Variants in PES1 observed in about 807,000 individuals in gnomAD.
The protein encoded by PES1 is pescadillo ribosomal biogenesis factor 1, also known as pescadillo homolog.
In PES1, 31 loss-of-function variants were observed where a neutral mutation model predicts 77.1. The observed-to-expected ratio is 0.40, with a 90% CI of 0.30 to 0.54. The LOEUF (loss-of-function observed/expected upper bound fraction) is 0.54, where lower values mean the gene tolerates loss of function less well. Ranked by LOEUF, PES1 falls within the 20% of genes least tolerant of loss-of-function variation. PES1 has a pLI of 0.45. For synonymous variants in PES1, 282 were observed against 303.0 expected (o/e 0.93, Z 0.72); for missense variants, 658 against 771.7 (o/e 0.85, Z 1.75).
At position 30,587,385 on chromosome 22, in the gene PES1, C is replaced by T. The variant is rs762675762; in HGVS notation, c.269G>A (p.Arg90Gln). ...NKFREYKVFV[R>Q]KLRKAYGKSE... is the part of the protein sequence containing the mutation. ...CTTCCCATAAGCCTTCCGGAGCTTC[C>T]GGACGAACACCTGGAAGAAAGAAAG... The change falls in exon 4 of 15, where the codon CGG becomes CAG. Residue 90 changes from arginine (R) to glutamine (Q), a missense_variant. Coordinates refer to ENST00000354694, the MANE Select transcript of PES1 (RefSeq NM_014303.4). 4.3e-6 allele frequency: 7 copies of T among 1,613,154 alleles called. No homozygotes were observed. Among genetic ancestry groups the T allele is most frequent in the Non-Finnish European group, 5.9e-6 (7 of 1,179,198 alleles).
Position 30,578,784 on chromosome 22 carries a change from G to T in PES1, c.1683+53C>A. Reference sequence around the variant, plus strand: ...CCCCAAGCCACATAAGTTCACCTGTGCAGTTGGGTCTGGTGGCCACACCTG... The same window carrying T: ...CCCCAAGCCACATAAGTTCACCTGTTCAGTTGGGTCTGGTGGCCACACCTG... On this transcript the variant is annotated intron_variant, in intron 14 of 14. Transcript: ENST00000354694. 2.5e-6 allele frequency: 4 copies of T among 1,584,784 alleles called. No homozygotes were observed. In the South Asian group the frequency reaches 4.5e-5, roughly 18 times the overall value.
At chr22:30,591,197 G>A (rs141045268) in intron 1 of PES1, among the ~76,000 whole-genome samples, 1 of 152,136 alleles carries the variant, frequency 6.6e-6, no homozygotes, top group African/African-American at 2.4e-5. Flanking sequence ...AAGCTTACAG[G>A]CCTTGCACGA....
chr22:30,581,218 G>A, intron 8 of PES1, 116 bp downstream of exon 8: 2 of 1,364,246 alleles, frequency 1.5e-6, no homozygotes, highest in Non-Finnish European at 2.0e-6. Flanking sequence ...CCAAGGGCAG[G>A]CTGAGACCAC....
chr22:30,596,160 T>G (rs2087249428), upstream of PES1, among the ~76,000 whole-genome samples: 1 of 152,168 alleles, frequency 6.6e-6, no homozygotes. Context: ...GTCTTCTACA[T>G]TCTCTATTTT....
upstream of PES1, among the ~76,000 whole-genome samples, chr22:30,593,011 G>A (rs927478902): frequency 6.0e-5 from 9 of 150,418 alleles, no homozygotes; most frequent in East Asian, 1.2e-3. Context: ...TCCAAATTTC[G>A]TTCGAAGATG....
At chr22:30,600,274 C>T (rs1379907730) in intron 2 of PES1, among the ~76,000 whole-genome samples, 1 of 152,020 alleles carries the variant, frequency 6.6e-6, no homozygotes, top group African/African-American at 2.4e-5. Flanking sequence ...ATGGAGGTTG[C>T]AGTGTCAAGT....
In PES1 at chr22:30,598,912, T is replaced by TTTTTTA. The variant is rs761643665; in HGVS notation, c.-660-6515_-660-6514insTAAAAA. ...TTTTTTTTTTTTTTTTTTTTTTTTT[T>TTTTTTA]TTGAGATGGAGTCCTGCTCTGTCAT... On this transcript the variant is annotated intron_variant, in intron 2 of 16. Transcript: ENST00000402281. 2.9e-3 allele frequency among the ~76,000 whole-genome samples: 340 copies of TTTTTTA among 116,380 alleles called. 26 individuals are homozygous for TTTTTTA. Among genetic ancestry groups the TTTTTTA allele is most frequent in the African/African-American group, 0.011 (326 of 29,346 alleles). The allele number at this position is 116,380 out of a possible 152,430, so 76.3% of individuals were successfully genotyped here.
At chr22:30,607,004 C>CG in exon 1 of PES1, 1 of 619,420 alleles carries the variant, frequency 1.6e-6, no homozygotes, top group African/African-American at 1.9e-5. Flanking sequence ...GCGCTGGTCC[C>CG]GGGCTCTTTA....
chr22:30,584,589 A>G lies in PES1; in HGVS notation c.497T>C (p.Val166Ala). The G allele has an allele frequency of 6.2e-7, 1 of 1,613,188 alleles. No homozygotes were observed. The highest frequency in any genetic ancestry group is 8.5e-7 in the Non-Finnish European group (1 of 1,179,610). The change falls in exon 5 of 15, where the codon GTG becomes GCG. Residue 166 changes from valine (V) to alanine (A), a missense_variant. Transcript: ENST00000354694. Reference sequence around the variant, plus strand: ...AGCGATAATGTAGTGCATGAACTCCACAGTGAGCCGGCGGCACAGCTGAAT... The same window carrying G: ...AGCGATAATGTAGTGCATGAACTCCGCAGTGAGCCGGCGGCACAGCTGAAT... Reference protein sequence around the residue: ...QTIQLCRRLTVEFMHYIIAAR... With the variant: ...QTIQLCRRLTAEFMHYIIAAR...
chr22:30,587,652 C>T (rs140949621), intron 3 of PES1, among the ~76,000 whole-genome samples: 68 of 152,316 alleles, frequency 4.5e-4, no homozygotes, highest in Non-Finnish European at 8.5e-4. Flanking sequence ...CAACTCCACA[C>T]GTTTACATGG....
intron 2 of PES1, among the ~76,000 whole-genome samples, chr22:30,601,300 C>G (rs1220200559): frequency 6.6e-6 from 1 of 152,042 alleles, no homozygotes; most frequent in Non-Finnish European, 1.5e-5. Flanking sequence ...ATGCTTTTTG[C>G]CAACGATTAT....
intron 1 of PES1, among the ~76,000 whole-genome samples, chr22:30,589,808 C>T (rs2087151399): frequency 6.6e-6 from 1 of 152,134 alleles, no homozygotes; most frequent in Non-Finnish European, 1.5e-5. Flanking sequence ...CTCATTATAA[C>T]CTCTTCACCA....
chr22:30,605,483 C>T, exon 2 of PES1: 2 of 985,428 alleles, frequency 2.0e-6, no homozygotes, highest in Non-Finnish European at 2.4e-6. Context: ...ATAACGAAGG[C>T]TATCCTCCAT....
In PES1 at chr22:30,579,171, A is replaced by G. The variant is rs1201056289; in HGVS notation, c.1487T>C (p.Leu496Pro). 7.5e-6 allele frequency: 12 copies of G among 1,608,456 alleles called. No homozygotes were observed. Among genetic ancestry groups the G allele is most frequent in the Non-Finnish European group, 9.3e-6 (11 of 1,179,646 alleles). Reference protein sequence around the residue: ...AGSEKEEEARLAALEEQRMEG... With the variant: ...AGSEKEEEARPAALEEQRMEG... ...CATCCTCTGCTCTTCCAGGGCTGCC[A>G]GCCGGGCCTCTTCCTCCTTTTCTGA... Residue 496 changes from leucine (L) to proline (P), a missense_variant, in exon 13 of 15, where the codon CTG becomes CCG. Leu to Pro is a moderately conservative substitution (Grantham distance 98). Coordinates refer to ENST00000354694, the MANE Select transcript of PES1 (RefSeq NM_014303.4).
chr22:30,587,237 C>A, intron 4 of PES1, 49 bp downstream of exon 4: 1 of 1,277,026 alleles, frequency 7.8e-7, no homozygotes, highest in Non-Finnish European at 1.1e-6. Flanking sequence ...AGGGCAGAGA[C>A]CAGCAGTAAA....
At chr22:30,589,673 G>GCAACTCTTAAAAAGCA (rs2087149895) in intron 1 of PES1, among the ~76,000 whole-genome samples, 1 of 150,308 alleles carries the variant, frequency 6.7e-6, no homozygotes, top group Admixed American at 6.6e-5. Flanking sequence ...AATAACCCAT[G>GCAACTCTTAAAAAGCA]CAACTCTTAA....
chr22:30,589,511 A>T (rs1235426431), intron 1 of PES1, among the ~76,000 whole-genome samples: 1 of 152,204 alleles, frequency 6.6e-6, no homozygotes, highest in Non-Finnish European at 1.5e-5. Flanking sequence ...CGAGGCTGCT[A>T]CGGATAGGGT....
At chr22:30,582,775 T>G (rs949414962) in intron 6 of PES1, among the ~76,000 whole-genome samples, 4 of 151,940 alleles carry the variant, frequency 2.6e-5, no homozygotes, top group African/African-American at 4.8e-5. Context: ...CATCCTTCCA[T>G]GAGAATCTGT....
chr22:30,597,297 T>C (rs1359811898), intron 2 of PES1, among the ~76,000 whole-genome samples: 6 of 151,962 alleles, frequency 3.9e-5, no homozygotes, highest in Admixed American at 3.9e-4. Context: ...CCTGCCAGTA[T>C]GAGCTCCAGT....
Sources: gnomAD v4.1 joint callset for allele counts (sites outside exome capture counted in the v4.1 genomes callset) on GRCh38, gnomAD v4.1.1 for gene constraint, MANE v1.5 for transcripts, NCBI Gene and HGNC (gene_info 2026-07-23, HGNC 2026-07-21) for gene names.